PALM2AKAP2: variants seen among roughly 807,000 people sequenced by gnomAD.
The protein encoded by PALM2AKAP2 is PALM2 and AKAP2 fusion, also known as PALM2-AKAP2 fusion protein.
A neutral mutation model predicts 71.5 loss-of-function variants in PALM2AKAP2; 37 were observed. The ratio of observed to expected loss-of-function variants is 0.52; its 90% CI spans 0.40 to 0.68. PALM2AKAP2 has a LOEUF of 0.68. Among genes scored for constraint, PALM2AKAP2 ranks in the 30% least tolerant of loss-of-function variants. The pLI is 0.00. For synonymous variants in PALM2AKAP2, 468 were observed against 478.8 expected (o/e 0.98, Z 0.29); for missense variants, 1,224 against 1,191.8 (o/e 1.03, Z -0.40).
chr9:109,808,625 C>G (rs1001678391), intron 1 of PALM2AKAP2, among the ~76,000 whole-genome samples: 2 of 152,212 alleles, frequency 1.3e-5, no homozygotes, highest in Non-Finnish European at 2.9e-5. Flanking sequence ...AAAAGAAAAT[C>G]TCATTTTCTG....
chr9:110,015,545 G>T (rs1451857690), intron 6 of PALM2AKAP2, among the ~76,000 whole-genome samples: 2 of 152,184 alleles, frequency 1.3e-5, no homozygotes, highest in South Asian at 2.1e-4. Context: ...GGCGGAGGTT[G>T]CAGTGAGCCG....
chr9:109,769,973 G>A (rs1454814253), intron 1 of PALM2AKAP2, among the ~76,000 whole-genome samples: 1 of 152,108 alleles, frequency 6.6e-6, no homozygotes, highest in Non-Finnish European at 1.5e-5. Context: ...GGAGTCAGAG[G>A]AAGCTTTGGT....
intron 2 of PALM2AKAP2, among the ~76,000 whole-genome samples, chr9:110,146,050 C>A (rs909431596): frequency 6.6e-6 from 1 of 151,824 alleles, no homozygotes; most frequent in Non-Finnish European, 1.5e-5. Context: ...AGGTGCCCAC[C>A]ACCGCGTCCA....
chr9:109,786,057 G>A (rs1319983238), intron 1 of PALM2AKAP2, among the ~76,000 whole-genome samples: 1 of 152,222 alleles, frequency 6.6e-6, no homozygotes, highest in Non-Finnish European at 1.5e-5. Context: ...CTGGGTATAC[G>A]CTGTTGGCCT....
intron 6 of PALM2AKAP2, among the ~76,000 whole-genome samples, chr9:109,981,388 G>A (rs761837487): frequency 6.6e-6 from 1 of 152,184 alleles, no homozygotes; most frequent in African/African-American, 2.4e-5. Flanking sequence ...TGGGCTTGAA[G>A]GGTTGAGAGA....
chr9:109,662,357 T>A (rs912055261), intron 1 of PALM2AKAP2, among the ~76,000 whole-genome samples: 6 of 152,242 alleles, frequency 3.9e-5, no homozygotes, highest in Non-Finnish European at 8.8e-5. Flanking sequence ...ACCTTGTTTT[T>A]TGAGAGTTTT....
chr9:109,856,201 G>A (rs567046176), intron 1 of PALM2AKAP2, among the ~76,000 whole-genome samples: 75 of 152,304 alleles, frequency 4.9e-4, no homozygotes, highest in Admixed American at 1.2e-3. Flanking sequence ...TCCACCCTAT[G>A]TATGGAATCA....
chr9:109,924,197 C>T (rs1330042036), intron 4 of PALM2AKAP2, among the ~76,000 whole-genome samples: 1 of 152,202 alleles, frequency 6.6e-6, no homozygotes, highest in African/African-American at 2.4e-5. Flanking sequence ...TAAACATGCT[C>T]TTTGTGGCTT....
intron 1 of PALM2AKAP2, among the ~76,000 whole-genome samples, chr9:110,098,520 TA>T (rs1359586929): frequency 6.6e-6 from 1 of 152,164 alleles, no homozygotes; most frequent in Non-Finnish European, 1.5e-5. Context: ...GAAGCTGTTT[TA>T]AAAAAATTAA....
At chr9:109,924,981 T>C in intron 4 of PALM2AKAP2, 80 bp from the exon 5 acceptor site, 1 of 1,602,900 alleles carries the variant, frequency 6.2e-7, no homozygotes, top group South Asian at 1.1e-5. Flanking sequence ...GAAAGATGGG[T>C]TAAGTCTTTA....
intron 1 of PALM2AKAP2, among the ~76,000 whole-genome samples, chr9:110,131,242 C>T (rs1337138310): frequency 4.6e-5 from 7 of 152,138 alleles, no homozygotes; most frequent in African/African-American, 1.4e-4. Flanking sequence ...GTTTCTGTGT[C>T]GTGGTATTAG....
chr9:109,771,201 A>G (rs1025511529), intron 1 of PALM2AKAP2, among the ~76,000 whole-genome samples: 1 of 152,210 alleles, frequency 6.6e-6, no homozygotes, highest in African/African-American at 2.4e-5. Flanking sequence ...AAGTCATGCT[A>G]TGTTTGGAAT....
chr9:110,055,467 G>A (rs1311934977), intron 1 of PALM2AKAP2, among the ~76,000 whole-genome samples: 1 of 152,170 alleles, frequency 6.6e-6, no homozygotes, highest in East Asian at 1.9e-4. Flanking sequence ...AAAATGTTGG[G>A]ATTACAGGCA....
intron 7 of PALM2AKAP2, chr9:110,024,959 G>A: frequency 7.4e-7 from 1 of 1,350,596 alleles, no homozygotes. Flanking sequence ...GTGCTTCTCT[G>A]GGTGGAGCAG....
At chr9:109,968,059 G>T (rs56116762) in intron 6 of PALM2AKAP2, among the ~76,000 whole-genome samples, 5,699 of 152,270 alleles carry the variant, frequency 0.037, 228 homozygotes, top group East Asian at 0.15. Flanking sequence ...TGTTTGATGA[G>T]GGAATGAATA....
intron 6 of PALM2AKAP2, among the ~76,000 whole-genome samples, chr9:109,961,537 G>A (rs751395663): frequency 5.9e-5 from 9 of 152,176 alleles, no homozygotes; most frequent in Non-Finnish European, 1.3e-4. Context: ...TGACTGGGGT[G>A]ACCATATGTC....
intron 1 of PALM2AKAP2, among the ~76,000 whole-genome samples, chr9:110,064,430 G>T (rs1465252609): frequency 6.6e-6 from 1 of 152,174 alleles, no homozygotes; most frequent in Non-Finnish European, 1.5e-5. Flanking sequence ...GCAGTGAATT[G>T]GCTCAGAAAG....
intron 1 of PALM2AKAP2, among the ~76,000 whole-genome samples, chr9:110,125,343 G>C (rs1163090905): frequency 6.6e-6 from 1 of 152,222 alleles, no homozygotes; most frequent in Non-Finnish European, 1.5e-5. Context: ...GGCCGGGCCT[G>C]CTCTGGCTGG....
chr9:109,807,643 G>T (rs10759368), intron 1 of PALM2AKAP2, among the ~76,000 whole-genome samples: 26,809 of 151,492 alleles, frequency 0.18, 2,762 homozygotes, highest in East Asian at 0.35. Flanking sequence ...ATTGGGAAAA[G>T]GATGAATTAT....
Sources: gnomAD v4.1 joint callset for allele counts (sites outside exome capture counted in the v4.1 genomes callset) on GRCh38, gnomAD v4.1.1 for gene constraint, MANE v1.5 for transcripts, NCBI Gene and HGNC (gene_info 2026-07-23, HGNC 2026-07-21) for gene names.